Variants in SERPINB7 observed in about 807,000 individuals in gnomAD.
SERPINB7 encodes serpin B7.
A neutral mutation model predicts 37.4 loss-of-function variants in SERPINB7; 31 were observed. The ratio of observed to expected loss-of-function variants is 0.83; its 90% CI spans 0.62 to 1.12. The LOEUF (loss-of-function observed/expected upper bound fraction) is 1.12, where lower values mean the gene tolerates loss of function less well. Among genes scored for constraint, SERPINB7 ranks in the 50% most tolerant of loss-of-function variants. The pLI is 0.00. For synonymous variants in SERPINB7, 163 were observed against 166.1 expected (o/e 0.98, Z 0.14); for missense variants, 521 against 455.3 (o/e 1.14, Z -1.31).
chr18:63,759,670 A>G (rs2049141791), intron 1 of SERPINB7, among the ~76,000 whole-genome samples: 1 of 152,116 alleles, frequency 6.6e-6, no homozygotes, highest in South Asian at 2.1e-4. Flanking sequence ...TATCTCCCAG[A>G]ATTCCCATGT....
intron 7 of SERPINB7, among the ~76,000 whole-genome samples, chr18:63,802,453 C>T (rs970754985): frequency 6.6e-6 from 1 of 152,182 alleles, no homozygotes; most frequent in African/African-American, 2.4e-5. Context: ...GCACCTACTA[C>T]ATCCCAGGCC....
At chr18:63,774,643 A>G (rs771965388), upstream of SERPINB7, among the ~76,000 whole-genome samples, 2 of 152,060 alleles carry the variant, frequency 1.3e-5, no homozygotes, top group African/African-American at 2.4e-5. Context: ...AGCCTGTATT[A>G]TAGGAGGAAG....
intron 2 of SERPINB7, among the ~76,000 whole-genome samples, chr18:63,791,669 G>GGC (rs2049428716): frequency 6.6e-6 from 1 of 151,912 alleles, no homozygotes; most frequent in African/African-American, 2.4e-5. Flanking sequence ...GGAGTGCAGT[G>GGC]GTGCTATCTC....
intron 7 of SERPINB7, among the ~76,000 whole-genome samples, chr18:63,802,127 C>G (rs996626817): frequency 6.6e-6 from 1 of 152,134 alleles, no homozygotes; most frequent in African/African-American, 2.4e-5. Flanking sequence ...GTCAGATTTC[C>G]TACTGTTATA....
At chr18:63,756,825 T>C (rs1310052949) in intron 1 of SERPINB7, among the ~76,000 whole-genome samples, 1 of 151,412 alleles carries the variant, frequency 6.6e-6, no homozygotes, top group African/African-American at 2.4e-5. Flanking sequence ...TGTGTGTGTG[T>C]GTGTGTGTGT....
At chr18:63,771,616 G>A (rs1327973733), upstream of SERPINB7, among the ~76,000 whole-genome samples, 1 of 152,028 alleles carries the variant, frequency 6.6e-6, no homozygotes, top group Non-Finnish European at 1.5e-5. Flanking sequence ...TAAATTAAAG[G>A]CATCCTTCTA....
chr18:63,764,206 CA>C (rs1598990457), intron 1 of SERPINB7, among the ~76,000 whole-genome samples: 1 of 152,138 alleles, frequency 6.6e-6, no homozygotes, highest in Non-Finnish European at 1.5e-5. Flanking sequence ...CCGTGGTTCC[CA>C]ATATCTTGGG....
intron 1 of SERPINB7, among the ~76,000 whole-genome samples, chr18:63,755,196 G>A (rs963343472): frequency 1.8e-4 from 28 of 152,084 alleles, no homozygotes; most frequent in African/African-American, 4.8e-4. Context: ...GAGCCACCGC[G>A]CCCGGCCTAA....
intron 1 of SERPINB7, among the ~76,000 whole-genome samples, chr18:63,761,352 G>A (rs1369261454): frequency 1.3e-5 from 2 of 152,182 alleles, no homozygotes; most frequent in African/African-American, 4.8e-5. Context: ...ATTGTATCTA[G>A]GAAGTAACTA....
chr18:63,779,708 T>G (rs940946512), intron 1 of SERPINB7, among the ~76,000 whole-genome samples: 1 of 152,124 alleles, frequency 6.6e-6, no homozygotes, highest in African/African-American at 2.4e-5. Flanking sequence ...GTATCCTGAA[T>G]GAATACATTC....
chr18:63,773,222 A>C (rs1259578971), upstream of SERPINB7, among the ~76,000 whole-genome samples: 5 of 152,136 alleles, frequency 3.3e-5, no homozygotes, highest in Non-Finnish European at 7.4e-5. Context: ...TAGATAGATT[A>C]GAAAGGTTAG....
intron 2 of SERPINB7, among the ~76,000 whole-genome samples, chr18:63,784,059 G>T (rs1041964501): frequency 3.3e-5 from 5 of 152,058 alleles, no homozygotes; most frequent in Non-Finnish European, 5.9e-5. Flanking sequence ...TATCTGCTGA[G>T]AACTTAATCA....
rs141279263 is a variant in SERPINB7 at position 63,782,432 on chromosome 18, T to A, written c.60T>A (p.Asp20Glu). 6.8e-6 allele frequency: 11 copies of A among 1,614,214 alleles called. No homozygotes were observed. In the South Asian group the frequency reaches 1.2e-4, roughly 18 times the overall value. ...GCTTCAACCTGTTCAGAGAGATGGATGACAATCAAGGAAATGGAAATGTGT... is the reference window on the plus strand; with the variant it reads ...GCTTCAACCTGTTCAGAGAGATGGAAGACAATCAAGGAAATGGAAATGTGT... ...EFCFNLFREMDDNQGNGNVFF... is the reference protein window; with the variant it reads ...EFCFNLFREMEDNQGNGNVFF... The change falls in exon 2 of 8, where the codon GAT becomes GAA. Residue 20 changes from aspartate (D) to glutamate (E), a missense_variant. Physicochemically the swap from Asp to Glu is conservative, Grantham distance 45. Coordinates refer to ENST00000398019, the MANE Select transcript of SERPINB7 (RefSeq NM_003784.4).
chr18:63,768,811 C>T (rs1020319967), intron 1 of SERPINB7, among the ~76,000 whole-genome samples: 15 of 152,114 alleles, frequency 9.9e-5, no homozygotes, highest in African/African-American at 3.6e-4. Context: ...TCTGTCCTCC[C>T]TCCAGCCCTG....
At position 63,804,400 on chromosome 18, in the gene SERPINB7, C is replaced by T; in HGVS notation, c.908C>T (p.Ser303Phe). The T allele has an allele frequency of 1.2e-6, 2 of 1,613,670 alleles. No individual in the cohort carries two copies. The highest frequency in any genetic ancestry group is 1.7e-6 in the Non-Finnish European group (2 of 1,179,826). The change falls in exon 8 of 8, where the codon TCC becomes TTC. Residue 303 changes from serine to phenylalanine, a missense_variant. By Grantham distance (155) the Ser-to-Phe change is radical. Coordinates refer to ENST00000398019, the MANE Select transcript of SERPINB7 (RefSeq NM_003784.4). ...ALGLKDIFDE[S>F]KADLSGIASG... ...GGGCTGAAAGATATCTTTGATGAAT[C>T]CAAAGCAGATCTCTCTGGGATTGCT...
chr18:63,782,302 A>AT (rs2049308244), intron 1 of SERPINB7, 53 bp from the exon 2 acceptor site: 2 of 1,090,122 alleles, frequency 1.8e-6, no homozygotes, highest in African/African-American at 1.6e-5. Flanking sequence ...TAAAAATATA[A>AT]TATTCCTAGA....
intron 2 of SERPINB7, among the ~76,000 whole-genome samples, chr18:63,783,214 G>A (rs866137935): frequency 0.012 from 864 of 69,954 alleles, 41 homozygotes; most frequent in African/African-American, 0.045. Context: ...GAGAGAGAGA[G>A]AGAGAGAGAG....
At chr18:63,793,370 A>T (rs959195020) in intron 4 of SERPINB7, 93 bp downstream of exon 4, 27 of 613,792 alleles carry the variant, frequency 4.4e-5, no homozygotes, top group Admixed American at 1.4e-4. Flanking sequence ...CAATACAAAG[A>T]TGGTTTTGTT....
At position 63,796,368 on chromosome 18, in the gene SERPINB7, G is replaced by A. The variant is rs776330428; in HGVS notation, c.439G>A (p.Glu147Lys). 3 of 1,576,768 alleles carry A rather than the reference G, an allele frequency of 1.9e-6. No individual in the cohort carries two copies. The East Asian group carries it at 6.7e-5, about 35-fold the overall frequency. The change falls in exon 5 of 8, where the codon GAA becomes AAA. Residue 147 changes from glutamate (E) to lysine (K), a missense_variant. Glu to Lys is a moderately conservative substitution (Grantham distance 56). Coordinates refer to ENST00000398019, the MANE Select transcript of SERPINB7 (RefSeq NM_003784.4). ...TAGACGTAATATTAATAAGTGGGTT[G>A]AAAATGAAACACATGGTGAGTATTG... Reference protein sequence around the residue: ...DTRRNINKWVENETHGKIKNV... With the variant: ...DTRRNINKWVKNETHGKIKNV...
Sources: allele counts gnomAD v4.1 joint callset (sites outside exome capture counted in the v4.1 genomes callset), GRCh38; gene constraint gnomAD v4.1.1; transcripts MANE v1.5; gene names NCBI Gene and HGNC (gene_info 2026-07-23, HGNC 2026-07-21).